RAD51B: variants seen among roughly 807,000 people sequenced by gnomAD.
RAD51B encodes DNA repair protein RAD51 homolog 2.
RAD51B carries 38 observed loss-of-function variants against 42.2 expected under a neutral mutation model. The ratio of observed to expected loss-of-function variants is 0.90; its 90% confidence interval spans 0.70 to 1.18. The LOEUF (loss-of-function observed/expected upper bound fraction) is 1.18, where lower values mean the gene tolerates loss of function less well. RAD51B is among the 50% of genes most tolerant of loss of function. RAD51B has a pLI of 0.00. For missense variants in RAD51B, 373 were observed against 400.7 expected (o/e 0.93, Z 0.59); for synonymous variants, 154 against 145.2 (o/e 1.06, Z -0.43).
intron 10 of RAD51B, among the ~76,000 whole-genome samples, chr14:68,621,841 G>A (rs1265873633): frequency 6.6e-6 from 1 of 152,220 alleles, no homozygotes; most frequent in Non-Finnish European, 1.5e-5. Context: ...GTGGTGACGT[G>A]GGTTCTGTGC....
At chr14:67,997,616 T>C (rs954968026) in intron 7 of RAD51B, among the ~76,000 whole-genome samples, 3 of 152,196 alleles carry the variant, frequency 2.0e-5, no homozygotes, top group Admixed American at 2.0e-4. Flanking sequence ...ATGCTGTTTG[T>C]CATTTGTTGA....
At chr14:68,243,843 G>C (rs541347593) in intron 7 of RAD51B, among the ~76,000 whole-genome samples, 25 of 152,236 alleles carry the variant, frequency 1.6e-4, no homozygotes, top group African/African-American at 5.3e-4. Context: ...TCATCATTAT[G>C]GGTGCATCCC....
chr14:68,049,185 C>T (rs1409531514), intron 7 of RAD51B, among the ~76,000 whole-genome samples: 1 of 150,188 alleles, frequency 6.7e-6, no homozygotes, highest in African/African-American at 2.4e-5. Flanking sequence ...GGAAGGGGAA[C>T]ATCACACACT....
intron 10 of RAD51B, among the ~76,000 whole-genome samples, chr14:68,573,951 G>A (rs146949797): frequency 0.018 from 2,726 of 148,022 alleles, 43 homozygotes; most frequent in Middle Eastern, 0.037. Context: ...TGTGTGTGTG[G>A]GGGTGTGGGT....
At chr14:68,295,471 TCTC>T (rs757598987) in intron 8 of RAD51B, among the ~76,000 whole-genome samples, 2 of 152,134 alleles carry the variant, frequency 1.3e-5, no homozygotes, top group Non-Finnish European at 2.9e-5. Flanking sequence ...TCTCCTGACT[TCTC>T]CTCCCCCATA....
chr14:68,567,037 C>T (rs1401287741), intron 10 of RAD51B, among the ~76,000 whole-genome samples: 1 of 152,140 alleles, frequency 6.6e-6, no homozygotes, highest in East Asian at 1.9e-4. Context: ...CGGTGGCTCA[C>T]GCCTATAATC....
At chr14:67,974,753 T>G (rs1469787258) in intron 7 of RAD51B, among the ~76,000 whole-genome samples, 1 of 152,188 alleles carries the variant, frequency 6.6e-6, no homozygotes, top group South Asian at 2.1e-4. Flanking sequence ...GTACACTTTT[T>G]CCCTACTCAT....
chr14:68,422,295 G>T, intron 9 of RAD51B: 1 of 601,120 alleles, frequency 1.7e-6, no homozygotes, highest in East Asian at 3.6e-5. Flanking sequence ...GGGTGCGGCA[G>T]CTCACGCCTG....
intron 7 of RAD51B, among the ~76,000 whole-genome samples, chr14:67,924,453 G>A (rs1171941391): frequency 6.6e-6 from 1 of 152,162 alleles, no homozygotes; most frequent in Non-Finnish European, 1.5e-5. Context: ...AGATACCCGA[G>A]ACTGGGCAAT....
At chr14:67,884,795 T>G (rs2043014034) in intron 5 of RAD51B, among the ~76,000 whole-genome samples, 1 of 152,208 alleles carries the variant, frequency 6.6e-6, no homozygotes, top group African/African-American at 2.4e-5. Context: ...ATTTTTCTTT[T>G]CAAATTGTTC....
Position 68,462,298 on chromosome 14 carries a change from CTG to C in RAD51B, c.958-5872_958-5871del, listed in dbSNP as rs763191992. 2.0e-5 allele frequency among the ~76,000 whole-genome samples: 3 copies of C among 152,200 alleles called. No homozygotes were observed. The East Asian group carries it at 5.8e-4, about 29-fold the overall frequency. ...AAGCCCAAAGGCTTCCCTGTATTGT[CTG>C]TCTTCTGCCACCAGAATGTCAGCTC... On this transcript the variant is annotated intron_variant, in intron 9 of 10. Transcript: ENST00000471583.
At chr14:68,446,942 T>C (rs1302602212) in intron 9 of RAD51B, among the ~76,000 whole-genome samples, 1 of 152,084 alleles carries the variant, frequency 6.6e-6, no homozygotes, top group African/African-American at 2.4e-5. Context: ...TTAAGCTGGG[T>C]GCGGTGGCTC....
chr14:68,569,479 C>A (rs185066287), intron 10 of RAD51B, among the ~76,000 whole-genome samples: 1 of 152,202 alleles, frequency 6.6e-6, no homozygotes, highest in Non-Finnish European at 1.5e-5. Flanking sequence ...TTACAGGGAA[C>A]CTGTCAACTG....
intron 7 of RAD51B, among the ~76,000 whole-genome samples, chr14:68,158,845 G>A (rs1344150970): frequency 6.6e-6 from 1 of 152,112 alleles, no homozygotes; most frequent in Non-Finnish European, 1.5e-5. Context: ...CCACATAGAG[G>A]TGCTGGGAGA....
intron 7 of RAD51B, among the ~76,000 whole-genome samples, chr14:68,231,619 A>T (rs1229198939): frequency 1.3e-5 from 2 of 152,206 alleles, no homozygotes; most frequent in African/African-American, 4.8e-5. Flanking sequence ...GTTCCTTGTG[A>T]TCTACAAATC....
chr14:67,898,450 TA>T (rs758458454), intron 7 of RAD51B, among the ~76,000 whole-genome samples: 106 of 151,866 alleles, frequency 7.0e-4, no homozygotes, highest in Non-Finnish European at 1.2e-3. Flanking sequence ...AACAGGGAGG[TA>T]TTGGTGAAAG....
At chr14:68,299,075 A>G (rs1211752330) in intron 8 of RAD51B, among the ~76,000 whole-genome samples, 1 of 151,656 alleles carries the variant, frequency 6.6e-6, no homozygotes, top group Non-Finnish European at 1.5e-5. Flanking sequence ...GCCCTCCTCT[A>G]TCTTCCCCAG....
At chr14:68,040,814 A>G (rs981843499) in intron 7 of RAD51B, among the ~76,000 whole-genome samples, 1 of 152,150 alleles carries the variant, frequency 6.6e-6, no homozygotes, top group African/African-American at 2.4e-5. Flanking sequence ...CTCTGGCCTC[A>G]CTCCAGACCT....
intron 8 of RAD51B, among the ~76,000 whole-genome samples, chr14:68,395,183 T>C (rs1355693006): frequency 6.6e-6 from 1 of 152,208 alleles, no homozygotes; most frequent in Admixed American, 6.5e-5. Flanking sequence ...CCTCCCCTTC[T>C]TCTGTGCTCC....
Sources: gnomAD v4.1 joint callset for allele counts (sites outside exome capture counted in the v4.1 genomes callset) on GRCh38, gnomAD v4.1.1 for gene constraint, MANE v1.5 for transcripts, NCBI Gene and HGNC (gene_info 2026-07-23, HGNC 2026-07-21) for gene names.